Variants in ESRRB observed in about 807,000 individuals in gnomAD.
The protein encoded by ESRRB is estrogen related receptor beta, also known as steroid hormone receptor ERR2.
Under a neutral mutation model 46.0 loss-of-function variants are expected in ESRRB, and 16 were observed. The observed-to-expected ratio is 0.35, with a 90% CI of 0.24 to 0.53. ESRRB has a LOEUF of 0.53. ESRRB is among the 20% of genes least tolerant of loss of function. The probability of loss-of-function intolerance (pLI) is 0.93; values close to 1 mark genes in which losing one functional copy is unlikely to be tolerated. For synonymous variants in ESRRB, 246 were observed against 259.6 expected, an observed-to-expected ratio of 0.95 and a Z score of 0.50; for missense variants, 488 against 607.4, an observed-to-expected ratio of 0.80 and a Z score of 2.07.
intron 1 of ESRRB, among the ~76,000 whole-genome samples, chr14:76,399,444 G>T (rs1346734857): frequency 6.6e-6 from 1 of 152,054 alleles, no homozygotes. Flanking sequence ...ACTCCAGGAG[G>T]CTTCCTAGCA....
intron 1 of ESRRB, among the ~76,000 whole-genome samples, chr14:76,407,892 A>G (rs1430835003): frequency 6.6e-6 from 1 of 152,188 alleles, no homozygotes; most frequent in Non-Finnish European, 1.5e-5. Context: ...TGTGCCAGGC[A>G]GCCTGTGAAT....
intron 1 of ESRRB, among the ~76,000 whole-genome samples, chr14:76,427,092 C>G (rs1173387136): frequency 1.3e-5 from 2 of 152,182 alleles, no homozygotes. Context: ...ACCGTTCCTT[C>G]TCTCTGCTGC....
chr14:76,443,107 C>T (rs538484314), intron 2 of ESRRB, among the ~76,000 whole-genome samples: 39 of 152,024 alleles, frequency 2.6e-4, no homozygotes, highest in African/African-American at 8.9e-4. Flanking sequence ...TGAGCCACCG[C>T]GCCCGGTCAT....
At chr14:76,355,995 C>A (rs1412490586) in intron 1 of ESRRB, among the ~76,000 whole-genome samples, 1 of 152,212 alleles carries the variant, frequency 6.6e-6, no homozygotes, top group East Asian at 1.9e-4. Flanking sequence ...TGGGCTCCAG[C>A]CAAGTGGAGG....
intron 1 of ESRRB, among the ~76,000 whole-genome samples, chr14:76,311,249 G>T (rs748896317): frequency 3.3e-5 from 5 of 152,172 alleles, no homozygotes; most frequent in Non-Finnish European, 4.4e-5. Flanking sequence ...CATCAGAAGG[G>T]CAAGGGAAAG....
At chr14:76,370,729 T>C (rs1423143366), upstream of ESRRB, among the ~76,000 whole-genome samples, 1 of 152,210 alleles carries the variant, frequency 6.6e-6, no homozygotes, top group Non-Finnish European at 1.5e-5. Context: ...AATGTGCTCC[T>C]ATTCTCCTGG....
intron 2 of ESRRB, among the ~76,000 whole-genome samples, chr14:76,440,905 G>A (rs185950330): frequency 1.4e-4 from 22 of 152,196 alleles, no homozygotes; most frequent in African/African-American, 3.4e-4. Context: ...AAAATCAGCC[G>A]GGTGTAGTGT....
At chr14:76,358,328 AAAGAAAGAAAG>A (rs1884413809) in intron 1 of ESRRB, among the ~76,000 whole-genome samples, 402 of 38,150 alleles carry the variant, frequency 0.011, 3 homozygotes, top group Non-Finnish European at 0.012. Context: ...AAAAAAAAAG[AAAGAAAGAAAG>A]AAAGAAAGAA....
upstream of ESRRB, among the ~76,000 whole-genome samples, chr14:76,369,928 ATCTGT>A (rs1167360927): frequency 6.6e-6 from 1 of 152,212 alleles, no homozygotes; most frequent in African/African-American, 2.4e-5. Flanking sequence ...TGGAGGCATA[ATCTGT>A]GAGTTTGCAA....
At chr14:76,331,847 C>T (rs1388379054) in intron 1 of ESRRB, among the ~76,000 whole-genome samples, 1 of 151,374 alleles carries the variant, frequency 6.6e-6, no homozygotes, top group Non-Finnish European at 1.5e-5. Flanking sequence ...TGGCTTTGCT[C>T]ATCAGGAGTC....
At chr14:76,351,485 C>A (rs558230095) in intron 1 of ESRRB, among the ~76,000 whole-genome samples, 1 of 152,198 alleles carries the variant, frequency 6.6e-6, no homozygotes, top group Non-Finnish European at 1.5e-5. Flanking sequence ...TCTTATAGGG[C>A]CACTGGTTGC....
chr14:76,326,337 G>A (rs558683900), intron 1 of ESRRB, among the ~76,000 whole-genome samples: 14 of 152,330 alleles, frequency 9.2e-5, no homozygotes, highest in African/African-American at 2.6e-4. Flanking sequence ...CAGCATAGGG[G>A]ATGGTAAAAG....
At chr14:76,493,158 A>T (rs940393992) in intron 6 of ESRRB, among the ~76,000 whole-genome samples, 4 of 151,732 alleles carry the variant, frequency 2.6e-5, no homozygotes, top group African/African-American at 9.7e-5. Context: ...ACTTTATTTT[A>T]TTTTATTTTT....
At chr14:76,329,588 C>T (rs1883977821) in intron 1 of ESRRB, among the ~76,000 whole-genome samples, 1 of 152,028 alleles carries the variant, frequency 6.6e-6, no homozygotes, top group African/African-American at 2.4e-5. Flanking sequence ...GGTGGGGTGG[C>T]AGGGAGCTGT....
At chr14:76,381,463 T>G (rs1315841519) in intron 1 of ESRRB, among the ~76,000 whole-genome samples, 2 of 151,842 alleles carry the variant, frequency 1.3e-5, no homozygotes, top group Non-Finnish European at 2.9e-5. Context: ...GTTGGGAGGA[T>G]TTTTTCTTCC....
chr14:76,339,598 G>A (rs568613990), intron 1 of ESRRB, among the ~76,000 whole-genome samples: 115 of 152,274 alleles, frequency 7.6e-4, no homozygotes, highest in African/African-American at 2.6e-3. Context: ...GGACATGTGC[G>A]TGCTCTGCAA....
At chr14:76,358,980 T>C (rs1350300827) in intron 1 of ESRRB, among the ~76,000 whole-genome samples, 1 of 152,220 alleles carries the variant, frequency 6.6e-6, no homozygotes, top group African/African-American at 2.4e-5. Flanking sequence ...TCTAATACTT[T>C]CCCAGGTGAT....
chr14:76,482,449 T>G lies in ESRRB; in HGVS notation c.689-149T>G. ...CAGATCACCACTACCAGCAACTTCA[T>G]GGAGCCAGAACAGGAGGGGAGATTA... On this transcript the variant is annotated intron_variant, in intron 4 of 6. Coordinates refer to ENST00000644823, the MANE Select transcript of ESRRB (RefSeq NM_001379180.1). This position sits in a 1 kb window ranked among gnomAD's most constrained non-coding sequence, Gnocchi z 4.3. 3 of 761,550 alleles carry G rather than the reference T, an allele frequency of 3.9e-6. No homozygotes were observed. In the South Asian group the frequency reaches 5.1e-5, roughly 13 times the overall value. 47.2% of individuals were successfully genotyped at this position (761,550 alleles called of 1,614,324 possible). A position where few individuals can be genotyped will look rare whatever the true frequency, so the allele number is the denominator to read the frequency against.
At chr14:76,464,786 T>A (rs557134064) in intron 3 of ESRRB, among the ~76,000 whole-genome samples, 1 of 152,304 alleles carries the variant, frequency 6.6e-6, no homozygotes, top group South Asian at 2.1e-4. Context: ...CTGACTCCTA[T>A]GTTGGGCCCT....
Sources: gnomAD v4.1 joint callset for allele counts (sites outside exome capture counted in the v4.1 genomes callset) on GRCh38, gnomAD v4.1.1 for gene constraint, Gnocchi (gnomAD v3.1) non-coding constraint, MANE v1.5 for transcripts, NCBI Gene and HGNC (gene_info 2026-07-23, HGNC 2026-07-21) for gene names.